The following ZNF804B variants were observed in gnomAD, a reference collection of about 807,000 sequenced individuals.
The protein encoded by ZNF804B is zinc finger protein 804B.
A neutral mutation model predicts 101.4 loss-of-function variants in ZNF804B; 80 were observed. That is an observed-to-expected ratio of 0.79 (90% CI 0.66 to 0.95). The LOEUF (loss-of-function observed/expected upper bound fraction) is 0.95, where lower values mean the gene tolerates loss of function less well. Among genes scored for constraint, ZNF804B ranks in the 40% least tolerant of loss-of-function variants. ZNF804B has a pLI of 0.00. For synonymous variants in ZNF804B, 622 were observed against 558.8 expected, an observed-to-expected ratio of 1.11 and a Z score of -1.59; for missense variants, 1,673 against 1,561.9, an observed-to-expected ratio of 1.07 and a Z score of -1.20.
intron 1 of ZNF804B, among the ~76,000 whole-genome samples, chr7:89,049,181 A>G (rs1462150095): frequency 3.9e-5 from 6 of 152,184 alleles, no homozygotes; most frequent in Non-Finnish European, 8.8e-5. Context: ...CATATGTACA[A>G]TGAAAATGTT....
rs775314862 is a variant in ZNF804B, at chr7:89,334,599, G to A, written c.1617G>A (p.Met539Ile). 1 of 1,613,744 alleles carries A rather than the reference G, an allele frequency of 6.2e-7. No individual in the cohort carries two copies. Among genetic ancestry groups the A allele is most frequent in the East Asian group, 2.2e-5 (1 of 44,856 alleles). ...ATCAATATCCGAAACCAAAGACGAT[G>A]ATAGCTAATCCGGATTGGGAAAAAT... ...EDYQYPKPKT[M>I]IANPDWEKFQ... Residue 539 changes from methionine (M) to isoleucine (I), a missense_variant, in exon 4 of 4, where the codon ATG becomes ATA. Physicochemically the swap from Met to Ile is conservative, Grantham distance 10. Transcript: ENST00000333190.
chr7:89,138,334 A>G (rs1223093672), intron 1 of ZNF804B, among the ~76,000 whole-genome samples: 6 of 152,030 alleles, frequency 3.9e-5, no homozygotes, highest in Non-Finnish European at 7.4e-5. Context: ...CTTCAGCGTG[A>G]CCTGGATGTG....
intron 1 of ZNF804B, among the ~76,000 whole-genome samples, chr7:88,857,073 G>A (rs1039662080): frequency 1.3e-5 from 2 of 152,016 alleles, no homozygotes; most frequent in Non-Finnish European, 2.9e-5. Flanking sequence ...CGAGAACAAA[G>A]ACACAACATA....
At chr7:88,794,915 C>T (rs1429705170) in intron 1 of ZNF804B, 2 of 1,600,572 alleles carry the variant, frequency 1.2e-6, no homozygotes, top group African/African-American at 2.7e-5. Context: ...CTTTTGCTGC[C>T]CTTCTGGTTA....
rs776345751 is a variant in ZNF804B, at chr7:88,845,283, GCGCGCGCGCA to G, written c.108+85211_108+85220del. ...CACACATATGCGCATGTGTGCGCACGCGCGCGCGCACGCGCGCGCACACACACACACACAC... is the reference window on the plus strand; with the variant it reads ...CACACATATGCGCATGTGTGCGCACGCGCGCGCGCACACACACACACACAC... On this transcript the variant is annotated intron_variant, in intron 1 of 3. Transcript: ENST00000333190. Among the ~76,000 whole-genome samples, 679 of 123,536 alleles carry G rather than the reference GCGCGCGCGCA, an allele frequency of 5.5e-3. 4 individuals carry two copies. Among genetic ancestry groups the G allele is most frequent in the Non-Finnish European group, 8.1e-3 (510 of 62,982 alleles). 81.0% of individuals were successfully genotyped at this position (123,536 alleles called of 152,430 possible).
chr7:88,929,703 C>T (rs1015698579), intron 1 of ZNF804B, among the ~76,000 whole-genome samples: 2 of 151,904 alleles, frequency 1.3e-5, no homozygotes, highest in Non-Finnish European at 2.9e-5. Flanking sequence ...AGTCTTTGAA[C>T]AACAACAACA....
At chr7:89,181,119 G>T (rs1788289255) in intron 1 of ZNF804B, among the ~76,000 whole-genome samples, 1 of 151,828 alleles carries the variant, frequency 6.6e-6, no homozygotes, top group Non-Finnish European at 1.5e-5. Context: ...TGGAAGGAAA[G>T]AGTCTCTTCC....
intron 2 of ZNF804B, among the ~76,000 whole-genome samples, chr7:89,309,626 G>A (rs886588424): frequency 2.0e-5 from 3 of 151,734 alleles, no homozygotes; most frequent in Non-Finnish European, 4.4e-5. Context: ...CGGGTGTGGT[G>A]GCACACACCT....
intron 3 of ZNF804B, 87 bp downstream of exon 3, chr7:89,327,561 AC>A (rs1790914461): frequency 2.0e-6 from 3 of 1,500,992 alleles, no homozygotes; most frequent in Admixed American, 2.2e-5. Context: ...AACAATGTAA[AC>A]AAATAATAAC....
At chr7:89,321,199 G>A (rs551713076) in intron 2 of ZNF804B, among the ~76,000 whole-genome samples, 6 of 152,088 alleles carry the variant, frequency 3.9e-5, no homozygotes, top group Admixed American at 1.3e-4. Flanking sequence ...TTTATGATGC[G>A]GCCAGGCACG....
At chr7:88,795,183 CT>C in intron 1 of ZNF804B, 1 of 343,796 alleles carries the variant, frequency 2.9e-6, no homozygotes, top group Non-Finnish European at 5.2e-6. Flanking sequence ...AAACTATAGA[CT>C]TTTTTAAAAG....
At chr7:88,822,030 C>T (rs6964568) in intron 1 of ZNF804B, among the ~76,000 whole-genome samples, 75,555 of 151,914 alleles carry the variant, frequency 0.5, 20,590 homozygotes, top group East Asian at 0.81. Flanking sequence ...GGTGCTAGTA[C>T]AAACGGTCAT....
intron 1 of ZNF804B, among the ~76,000 whole-genome samples, chr7:88,939,991 G>A (rs144327046): frequency 8.2e-4 from 125 of 151,990 alleles, no homozygotes; most frequent in Non-Finnish European, 1.2e-3. Context: ...TTATCAAACA[G>A]ACAAAAGTAA....
chr7:89,208,844 G>C (rs6465187), intron 1 of ZNF804B, among the ~76,000 whole-genome samples: 114,107 of 151,848 alleles, frequency 0.75, 44,125 homozygotes, highest in African/African-American at 0.91. Flanking sequence ...AACCCCGTCT[G>C]TACTGAAAAT....
chr7:89,130,474 A>G (rs1790530958), intron 1 of ZNF804B, among the ~76,000 whole-genome samples: 1 of 151,948 alleles, frequency 6.6e-6, no homozygotes, highest in South Asian at 2.1e-4. Context: ...CATCTGTCAC[A>G]TCTGCCTATG....
intron 1 of ZNF804B, among the ~76,000 whole-genome samples, chr7:88,881,517 CATAA>C (rs768364454): frequency 3.3e-5 from 5 of 152,106 alleles, no homozygotes; most frequent in Non-Finnish European, 7.4e-5. Context: ...TTTACTGCTT[CATAA>C]ATAAAGTTCT....
chr7:88,838,080 G>C (rs1457689875), intron 1 of ZNF804B, among the ~76,000 whole-genome samples: 2 of 151,424 alleles, frequency 1.3e-5, no homozygotes, highest in Non-Finnish European at 3.0e-5. Context: ...GGGTATTAAG[G>C]GATTCACAGA....
intron 1 of ZNF804B, among the ~76,000 whole-genome samples, chr7:89,070,078 A>G (rs1357983577): frequency 1.3e-5 from 2 of 152,176 alleles, no homozygotes; most frequent in East Asian, 1.9e-4. Context: ...TGTGTTTTCA[A>G]ACACCCAGAC....
intron 1 of ZNF804B, among the ~76,000 whole-genome samples, chr7:88,764,195 T>C (rs1789945439): frequency 6.6e-6 from 1 of 152,206 alleles, no homozygotes; most frequent in Non-Finnish European, 1.5e-5. Context: ...TCATTCGGGA[T>C]ACCTATTGAT....
Sources: gnomAD v4.1 joint callset for allele counts (sites outside exome capture counted in the v4.1 genomes callset) on GRCh38, gnomAD v4.1.1 for gene constraint, MANE v1.5 for transcripts, NCBI Gene and HGNC (gene_info 2026-07-23, HGNC 2026-07-21) for gene names.